ATP8A2: variants seen among roughly 807,000 people sequenced by gnomAD.
The protein encoded by ATP8A2 is ATPase phospholipid transporting 8A2, also known as phospholipid-transporting ATPase IB.
A neutral mutation model predicts 165.6 loss-of-function variants in ATP8A2; 100 were observed. The observed-to-expected ratio is 0.60, with a 90% confidence interval of 0.51 to 0.71. The LOEUF (loss-of-function observed/expected upper bound fraction) is 0.71. Ranked by LOEUF, ATP8A2 falls within the 30% of genes least tolerant of loss-of-function variation. ATP8A2 has a pLI of 0.00. For synonymous variants in ATP8A2, 543 were observed against 548.8 expected (o/e 0.99, Z 0.15); for missense variants, 1,227 against 1,479.5 (o/e 0.83, Z 2.80).
intron 24 of ATP8A2, chr13:25,591,328 T>C (rs1171288228): frequency 2.2e-6 from 1 of 456,692 alleles, no homozygotes. Flanking sequence ...ACCTACCTCA[T>C]CCCCTGGCAG....
At chr13:25,901,536 GAAATC>G (rs1361969643) in intron 33 of ATP8A2, among the ~76,000 whole-genome samples, 1 of 151,476 alleles carries the variant, frequency 6.6e-6, no homozygotes. Flanking sequence ...TTTTTAAGAA[GAAATC>G]AAATCAACCA....
In ATP8A2 at chr13:25,774,832, TA is replaced by T; in HGVS notation, c.2569-15del. On this transcript the variant is annotated splice_polypyrimidine_tract_variant and intron_variant, in intron 26 of 36. Coordinates refer to ENST00000381655, the MANE Select transcript of ATP8A2 (RefSeq NM_016529.6). ...CAATGATGGGCTCTTCTGAGCTTTG[TA>T]ATTTTCCTTTTTCAGTTTTCCTACT... 6.7e-7 allele frequency: 1 copy of T among 1,490,814 alleles called. No individual in the cohort carries two copies. The highest frequency in any genetic ancestry group is 9.4e-7 in the Non-Finnish European group (1 of 1,069,262). The allele number at this position is 1,490,814 out of a possible 1,614,324, so 92.3% of individuals were successfully genotyped here.
Position 25,837,258 on chromosome 13 carries a change from C to T in ATP8A2, c.2850C>T (p.Thr950=), listed in dbSNP as rs1244228884. The change falls in exon 29 of 37, where the codon ACC becomes ACT. Residue 950 remains threonine, a synonymous_variant. Coordinates refer to ENST00000381655, the MANE Select transcript of ATP8A2 (RefSeq NM_016529.6). The part of the protein sequence containing the change: ...MLRFPQLYKI[T]QNGEGFNTKV... ...GGTTTCCCCAGCTCTACAAAATCACCCAGAATGGCGAAGGCTTCAACACAA... is the reference window on the plus strand; with the variant it reads ...GGTTTCCCCAGCTCTACAAAATCACTCAGAATGGCGAAGGCTTCAACACAA... The T allele has an allele frequency of 6.2e-7, 1 of 1,614,030 alleles. No homozygotes were observed. The highest frequency in any genetic ancestry group is 8.5e-7 in the Non-Finnish European group (1 of 1,179,978).
At chr13:25,835,886 A>C (rs1480072077) in intron 28 of ATP8A2, among the ~76,000 whole-genome samples, 1 of 152,188 alleles carries the variant, frequency 6.6e-6, no homozygotes. Flanking sequence ...CCTTTAAATG[A>C]CAACAATTTA....
At chr13:25,594,200 C>A (rs959950417) in intron 24 of ATP8A2, among the ~76,000 whole-genome samples, 1 of 152,118 alleles carries the variant, frequency 6.6e-6, no homozygotes, top group African/African-American at 2.4e-5. Context: ...ATGTAGTAAT[C>A]TAATCATTTA....
Position 25,551,403 on chromosome 13 carries a change from G to A in ATP8A2, c.957G>A (p.Val319=). ...VEKVTNVQIL[V]LFGILLVMAL... is the part of the protein sequence containing the mutation. ...AGGTGACTAACGTGCAGATCCTGGT[G>A]TTGTTTGGCATCCTCTTGGTCATGG... The change falls in exon 11 of 37, where the codon GTG becomes GTA. Residue 319 remains valine (V), a synonymous_variant. Coordinates refer to ENST00000381655, the MANE Select transcript of ATP8A2 (RefSeq NM_016529.6). 6.2e-7 allele frequency: 1 copy of A among 1,614,152 alleles called. No homozygotes were observed. The highest frequency in any genetic ancestry group is 8.5e-7 in the Non-Finnish European group (1 of 1,180,000).
chr13:25,554,535 G>GTA lies in ATP8A2; in HGVS notation c.1186-455_1186-454insAT, dbSNP rs1566260362. ...CATGTGTGTGTGTGTGTGTATGTGT[G>GTA]TGTGTGTGTGTGTGTGTGTGTGTGT... On this transcript the variant is annotated intron_variant, in intron 12 of 36. Coordinates refer to ENST00000381655, the MANE Select transcript of ATP8A2 (RefSeq NM_016529.6). Among the ~76,000 whole-genome samples the GTA allele has an allele frequency of 2.1e-5, 3 of 144,610 alleles. 1 individual carries two copies. Among genetic ancestry groups the GTA allele is most frequent in the South Asian group, 4.4e-4 (2 of 4,542 alleles). The allele number at this position is 144,610 out of a possible 152,430, so 94.9% of individuals were successfully genotyped here.
intron 25 of ATP8A2, among the ~76,000 whole-genome samples, chr13:25,728,497 G>A (rs1051482275): frequency 1.3e-5 from 2 of 152,194 alleles, no homozygotes; most frequent in African/African-American, 2.4e-5. Flanking sequence ...AGTTGATGCC[G>A]TGAATAAAGG....
At chr13:25,810,368 C>T (rs1306577776) in intron 27 of ATP8A2, among the ~76,000 whole-genome samples, 6 of 152,160 alleles carry the variant, frequency 3.9e-5, no homozygotes, top group Non-Finnish European at 5.9e-5. Context: ...GGCCTTTCCT[C>T]GGGGAACCCT....
At chr13:25,375,238 G>C (rs1197901442) in intron 1 of ATP8A2, among the ~76,000 whole-genome samples, 1 of 152,220 alleles carries the variant, frequency 6.6e-6, no homozygotes, top group African/African-American at 2.4e-5. Flanking sequence ...GCCCGGCATG[G>C]TTCTAGGTGC....
chr13:25,960,792 C>T (rs776625046), intron 33 of ATP8A2, among the ~76,000 whole-genome samples: 1 of 152,146 alleles, frequency 6.6e-6, no homozygotes, highest in Non-Finnish European at 1.5e-5. Flanking sequence ...TCCCCAAAAC[C>T]CTCTCTACCT....
intron 25 of ATP8A2, among the ~76,000 whole-genome samples, chr13:25,745,255 C>G (rs2044005621): frequency 1.3e-5 from 2 of 152,056 alleles, no homozygotes; most frequent in East Asian, 3.9e-4. Flanking sequence ...GCTTTTCTGA[C>G]TCGGCTTAGG....
At chr13:25,886,630 C>T (rs1179004428) in intron 33 of ATP8A2, among the ~76,000 whole-genome samples, 1 of 152,208 alleles carries the variant, frequency 6.6e-6, no homozygotes, top group East Asian at 1.9e-4. Flanking sequence ...AGCGCGGCTT[C>T]GTGGGGCAGA....
chr13:25,730,241 G>A (rs963213657), intron 25 of ATP8A2, among the ~76,000 whole-genome samples: 1 of 152,136 alleles, frequency 6.6e-6, no homozygotes, highest in African/African-American at 2.4e-5. Flanking sequence ...CAAGTGAGCC[G>A]TGATCATGCC....
In ATP8A2 at chr13:25,953,868, G is replaced by C. The variant is rs1415609394; in HGVS notation, c.3184-7707G>C. ...GGTCTTCGCAAACTGCAGACCAGGA[G>C]ATTCCCTCCGGTGCCTACATCACCA... On this transcript the variant is annotated intron_variant, in intron 33 of 36. Transcript: ENST00000381655. This position sits in a 1 kb window ranked among gnomAD's most constrained non-coding sequence, Gnocchi z 6.7. Among the ~76,000 whole-genome samples, 1 of 152,192 alleles carries C rather than the reference G, an allele frequency of 6.6e-6. No homozygotes were observed. Among genetic ancestry groups the C allele is most frequent in the Admixed American group, 6.5e-5 (1 of 15,276 alleles).
intron 1 of ATP8A2, among the ~76,000 whole-genome samples, chr13:25,462,800 A>G (rs1460747624): frequency 6.6e-6 from 1 of 152,174 alleles, no homozygotes; most frequent in Admixed American, 6.5e-5. Context: ...GCAGGAACTC[A>G]GGTGTGCACA....
chr13:25,791,702 C>T (rs2045183885), intron 27 of ATP8A2, among the ~76,000 whole-genome samples: 1 of 152,130 alleles, frequency 6.6e-6, no homozygotes, highest in African/African-American at 2.4e-5. Context: ...TCATCATCCT[C>T]CCTTCAGGAC....
intron 27 of ATP8A2, among the ~76,000 whole-genome samples, chr13:25,782,075 C>T (rs181149206): frequency 1.4e-3 from 209 of 152,328 alleles, no homozygotes; most frequent in Non-Finnish European, 2.2e-3. Flanking sequence ...CATCCAGTGA[C>T]TTTTCCCCTC....
At chr13:25,899,795 A>T (rs536988917) in intron 33 of ATP8A2, among the ~76,000 whole-genome samples, 3 of 152,210 alleles carry the variant, frequency 2.0e-5, no homozygotes, top group Non-Finnish European at 4.4e-5. Context: ...TTTCCTGCAG[A>T]TGGGATGGAG....
Sources: gnomAD v4.1 joint callset for allele counts (sites outside exome capture counted in the v4.1 genomes callset) on GRCh38, gnomAD v4.1.1 for gene constraint, Gnocchi (gnomAD v3.1) non-coding constraint, MANE v1.5 for transcripts, NCBI Gene and HGNC (gene_info 2026-07-23, HGNC 2026-07-21) for gene names.